The following MAP3K8 variants were observed in gnomAD, a reference collection of about 807,000 sequenced individuals.
The protein encoded by MAP3K8 is mitogen-activated protein kinase kinase kinase 8, also known as Ewing sarcoma transformant.
Under a neutral mutation model 45.8 loss-of-function variants are expected in MAP3K8, and 22 were observed. The ratio of observed to expected loss-of-function variants is 0.48; its 90% confidence interval spans 0.34 to 0.69. MAP3K8 has a LOEUF of 0.69. Ranked by LOEUF, MAP3K8 falls within the 30% of genes least tolerant of loss-of-function variation. The probability of loss-of-function intolerance (pLI) is 0.01; values close to 1 mark genes in which losing one functional copy is unlikely to be tolerated. For missense variants in MAP3K8, 419 were observed against 585.0 expected (o/e 0.72, Z 2.93); for synonymous variants, 223 against 214.3 (o/e 1.04, Z -0.36).
Position 30,458,075 on chromosome 10 carries a change from CT to C in MAP3K8, c.874-4del, listed in dbSNP as rs1836800030. ...GAATGAAGCTGAATGTTTCCCACTT[CT>C]TTTTCAGATTTACATGAGCCCAGAG... is the stretch of plus-strand genomic sequence containing the variant. On this transcript the variant is annotated splice_polypyrimidine_tract_variant and splice_region_variant and intron_variant, in intron 6 of 8. Coordinates refer to ENST00000263056, the MANE Select transcript of MAP3K8 (RefSeq NM_005204.4). The C allele has an allele frequency of 1.4e-6, 2 of 1,462,242 alleles. No homozygotes were observed. The highest frequency in any genetic ancestry group is 2.4e-5 in the Admixed American group (1 of 41,664). The allele number at this position is 1,462,242 out of a possible 1,614,324, so 90.6% of individuals were successfully genotyped here. A position where few individuals can be genotyped will look rare whatever the true frequency, so the allele number is the denominator to read the frequency against.
chr10:30,447,440 C>T (rs540832880), intron 3 of MAP3K8, among the ~76,000 whole-genome samples: 44 of 152,136 alleles, frequency 2.9e-4, no homozygotes, highest in Non-Finnish European at 5.6e-4. Context: ...CCTGCAGGCA[C>T]GGTTTATATT....
At chr10:30,458,259 T>TGGGGGGGG in intron 7 of MAP3K8, 23 bp downstream of exon 7, 10 of 448,132 alleles carry the variant, frequency 2.2e-5, no homozygotes, top group Admixed American at 1.3e-4. Flanking sequence ...CAACCAGGGC[T>TGGGGGGGG]GGGGGCGGCG....
At chr10:30,448,057 A>T (rs1046463908) in intron 4 of MAP3K8, 108 bp downstream of exon 4, 2 of 989,544 alleles carry the variant, frequency 2.0e-6, no homozygotes, top group Non-Finnish European at 3.0e-6. Flanking sequence ...ATTGGGTCTT[A>T]TCTGAGGGTG....
In MAP3K8 at chr10:30,439,084, T is replaced by C. The variant is rs1476435489; in HGVS notation, c.146T>C (p.Met49Thr). ...PAVYEPSLMT[M>T]CQDSNQNDER... The stretch of plus-strand genomic sequence containing the variant: ...GTTTATGAACCCAGTCTAATGACCA[T>C]GTGTCAAGACAGTAATCAAAACGAT... Residue 49 changes from methionine (M) to threonine (T), a missense_variant, in exon 3 of 9, where the codon ATG (methionine) becomes ACG (threonine). Coordinates refer to ENST00000263056, the MANE Select transcript of MAP3K8 (RefSeq NM_005204.4). 5.0e-6 allele frequency: 8 copies of C among 1,614,130 alleles called. No homozygotes were observed. The African/African-American group carries it at 5.3e-5, about 11-fold the overall frequency.
At position 30,460,799 on chromosome 10, in the gene MAP3K8, A is replaced by G. The variant is rs376945200; in HGVS notation, c.1367A>G (p.Asn456Ser). The G allele has an allele frequency of 9.7e-5, 156 of 1,613,992 alleles. No individual in the cohort carries two copies. The highest frequency in any genetic ancestry group is 6.6e-4 in the Middle Eastern group (4 of 6,060). Reference protein sequence around the residue: ...IDLGALAGYFNLVRGPPTLEY... With the variant: ...IDLGALAGYFSLVRGPPTLEY... ...CTCGGCGCTCTGGCTGGCTACTTCA[A>G]TCTTGTTCGGGGACCACCAACGCTT... The change falls in exon 9 of 9, where the codon AAT becomes AGT. Residue 456 changes from asparagine to serine, a missense_variant. Transcript: ENST00000263056.
intron 2 of MAP3K8, among the ~76,000 whole-genome samples, chr10:30,437,949 T>G (rs1390649225): frequency 6.6e-6 from 1 of 152,244 alleles, no homozygotes; most frequent in East Asian, 1.9e-4. Flanking sequence ...AACAGAGTTG[T>G]TCTAAAATCC....
Position 30,456,556 on chromosome 10 carries a change from T to G in MAP3K8, c.874-1528T>G, listed in dbSNP as rs147659561. Among the ~76,000 whole-genome samples the G allele has an allele frequency of 7.4e-3, 1,129 of 152,248 alleles. 6 individuals carry two copies. The highest frequency in any genetic ancestry group is 0.025 in the African/African-American group (1,034 of 41,518). ...GAAACACTGACCTCCATTCTCTTAT[T>G]CACATGGCAGACAGTGTACAAGCTG... On this transcript the variant is annotated intron_variant, in intron 6 of 8. Transcript: ENST00000263056.
Position 30,445,131 on chromosome 10 carries a change from TCA to T in MAP3K8, c.337-2647_337-2646del, listed in dbSNP as rs370853348. Among the ~76,000 whole-genome samples, 339 of 152,328 alleles carry T rather than the reference TCA, an allele frequency of 2.2e-3. 1 individual carries two copies. The highest frequency in any genetic ancestry group is 7.3e-3 in the African/African-American group (305 of 41,568). On this transcript the variant is annotated intron_variant, in intron 3 of 8. Transcript: ENST00000263056. ...GGGTTATAGGCCAGGCACAGGTGGC[TCA>T]CACCTGTAATCCCAGCATTTTGGGA...
intron 4 of MAP3K8, 43 bp downstream of exon 4, chr10:30,447,992 A>G: frequency 6.5e-7 from 1 of 1,545,090 alleles, no homozygotes; most frequent in Non-Finnish European, 8.7e-7. Context: ...TGTGTTTGGC[A>G]TTCTGGCTTT....
chr10:30,435,826 G>A (rs1235702727), intron 1 of MAP3K8, among the ~76,000 whole-genome samples: 1 of 152,234 alleles, frequency 6.6e-6, no homozygotes, highest in Non-Finnish European at 1.5e-5. Context: ...TTACAGGCAT[G>A]AGCCACTGTG....
At chr10:30,455,050 C>T (rs577850041) in intron 6 of MAP3K8, among the ~76,000 whole-genome samples, 4 of 152,198 alleles carry the variant, frequency 2.6e-5, no homozygotes, top group South Asian at 2.1e-4. Context: ...GGCTGTCTAG[C>T]GGAATGCATG....
rs191160592 is a variant in MAP3K8, at chr10:30,447,169, A to G, written c.337-613A>G. On this transcript the variant is annotated intron_variant, in intron 3 of 8. Coordinates refer to ENST00000263056, the MANE Select transcript of MAP3K8 (RefSeq NM_005204.4). ...GTTTGTGGCTGCCTCCGCAGCACCA[A>G]ACACAGTGCCTAGCACCTATTTTGC... Among the ~76,000 whole-genome samples the G allele has an allele frequency of 1.1e-3, 168 of 152,346 alleles. 5 individuals are homozygous for G. The East Asian group carries it at 0.024, about 22-fold the overall frequency.
chr10:30,441,753 C>T (rs1416474690), intron 3 of MAP3K8, among the ~76,000 whole-genome samples: 1 of 152,174 alleles, frequency 6.6e-6, no homozygotes, highest in African/African-American at 2.4e-5. Flanking sequence ...CTCCATGCTT[C>T]ATAAATGATA....
chr10:30,454,065 A>C (rs984985143), intron 6 of MAP3K8, among the ~76,000 whole-genome samples: 5 of 152,178 alleles, frequency 3.3e-5, no homozygotes, highest in Admixed American at 2.6e-4. Flanking sequence ...GGATGCAAGC[A>C]GGAAGGTAAA....
chr10:30,458,306 G>C, intron 7 of MAP3K8, 70 bp downstream of exon 7: 2 of 1,145,606 alleles, frequency 1.7e-6, no homozygotes. Context: ...GCAGGCTTGG[G>C]AGGGACTGCT....
At chr10:30,444,496 T>C (rs1212375834) in intron 3 of MAP3K8, among the ~76,000 whole-genome samples, 2 of 151,660 alleles carry the variant, frequency 1.3e-5, no homozygotes, top group African/African-American at 2.4e-5. Context: ...TTAAATTAAA[T>C]ACAGGGGATC....
chr10:30,440,371 C>T (rs1009126444), intron 3 of MAP3K8, among the ~76,000 whole-genome samples: 11 of 152,118 alleles, frequency 7.2e-5, no homozygotes, highest in African/African-American at 2.2e-4. Flanking sequence ...GGGGGAAAGT[C>T]GGTGCTGAAT....
At chr10:30,434,538 C>G (rs1043674732) in intron 1 of MAP3K8, 160 bp downstream of exon 1, 3 of 985,640 alleles carry the variant, frequency 3.0e-6, no homozygotes, top group Non-Finnish European at 3.6e-6. Flanking sequence ...CGCGGGTCGC[C>G]GGCTGCACCA....
In MAP3K8 at chr10:30,437,202, C is replaced by T; in HGVS notation, c.-228C>T. 1.0e-6 allele frequency: 1 copy of T among 985,154 alleles called. No homozygotes were observed. Among genetic ancestry groups the T allele is most frequent in the Non-Finnish European group, 1.2e-6 (1 of 829,844 alleles). The allele number at this position is 985,154 out of a possible 1,614,324, so 61.0% of individuals were successfully genotyped here. ...TGCAATCTTCTTACCGCGAAGAAGC[C>T]AGGGGAATAGGTAGCCACATCTTGT... is the stretch of plus-strand genomic sequence containing the variant. On this transcript the variant is annotated 5_prime_UTR_variant, in exon 2 of 9. Coordinates refer to ENST00000263056, the MANE Select transcript of MAP3K8 (RefSeq NM_005204.4).
Sources: allele counts gnomAD v4.1 joint callset (sites outside exome capture counted in the v4.1 genomes callset), GRCh38; gene constraint gnomAD v4.1.1; transcripts MANE v1.5; gene names NCBI Gene and HGNC (gene_info 2026-07-23, HGNC 2026-07-21).